The following MAD1L1 variants were observed in gnomAD, a reference collection of about 807,000 sequenced individuals.
MAD1L1 encodes mitotic spindle assembly checkpoint protein MAD1.
MAD1L1 carries 95 observed loss-of-function variants against 96.9 expected under a neutral mutation model. That is an observed-to-expected ratio of 0.98 (90% confidence interval 0.83 to 1.16). The LOEUF (loss-of-function observed/expected upper bound fraction) is 1.16, where lower values mean the gene tolerates loss of function less well. Ranked by LOEUF, MAD1L1 falls within the 50% of genes most tolerant of loss-of-function variation. The pLI is 0.00. For synonymous variants in MAD1L1, 473 were observed against 396.6 expected, an observed-to-expected ratio of 1.19 and a Z score of -2.29; for missense variants, 1,007 against 954.4, an observed-to-expected ratio of 1.06 and a Z score of -0.73.
chr7:2,147,765 C>T (rs1299392050), intron 11 of MAD1L1, among the ~76,000 whole-genome samples: 1 of 152,248 alleles, frequency 6.6e-6, no homozygotes, highest in African/African-American at 2.4e-5. Flanking sequence ...AAACCAATCC[C>T]CCCATGGGCT....
chr7:2,047,619 G>A lies in MAD1L1; in HGVS notation c.1218+21575C>T, dbSNP rs1033478202. On this transcript the variant is annotated intron_variant, in intron 12 of 18. Transcript: ENST00000265854. ...CCATGAGGGTCTCGTGGGAAAAGAAGCCAAAATGCATAAAAGAACCAGTGT... is the reference window on the plus strand; with the variant it reads ...CCATGAGGGTCTCGTGGGAAAAGAAACCAAAATGCATAAAAGAACCAGTGT... 9.2e-5 allele frequency among the ~76,000 whole-genome samples: 14 copies of A among 152,226 alleles called. No individual in the cohort carries two copies. The South Asian group carries it at 2.7e-3, about 29-fold the overall frequency.
chr7:2,231,237 G>A (rs748458318), intron 1 of MAD1L1, among the ~76,000 whole-genome samples: 26 of 152,154 alleles, frequency 1.7e-4, no homozygotes, highest in Non-Finnish European at 3.7e-4. Flanking sequence ...GGCAGAGGTT[G>A]CAGTGACCTG....
At chr7:1,922,877 T>C (rs942202033) in intron 17 of MAD1L1, among the ~76,000 whole-genome samples, 1 of 152,238 alleles carries the variant, frequency 6.6e-6, no homozygotes, top group African/African-American at 2.4e-5. Context: ...TTTGGCCATG[T>C]AATTTTTCCT....
intron 10 of MAD1L1, among the ~76,000 whole-genome samples, chr7:2,191,169 G>A (rs544322573): frequency 6.6e-6 from 1 of 152,298 alleles, no homozygotes; most frequent in African/African-American, 2.4e-5. Flanking sequence ...AGACACAAAT[G>A]ACTGCATGAC....
At chr7:2,208,695 A>C (rs535547874) in intron 10 of MAD1L1, among the ~76,000 whole-genome samples, 1 of 152,172 alleles carries the variant, frequency 6.6e-6, no homozygotes, top group Non-Finnish European at 1.5e-5. Flanking sequence ...TCCAAAGAGA[A>C]GCAAGCATCC....
chr7:1,825,526 G>C (rs1782343558), intron 18 of MAD1L1, among the ~76,000 whole-genome samples: 1 of 152,264 alleles, frequency 6.6e-6, no homozygotes, highest in African/African-American at 2.4e-5. Flanking sequence ...AGGTGTGAGA[G>C]ACACGGGCCC....
At chr7:1,969,289 C>A (rs1045756529) in intron 15 of MAD1L1, among the ~76,000 whole-genome samples, 1 of 152,102 alleles carries the variant, frequency 6.6e-6, no homozygotes, top group African/African-American at 2.4e-5. Context: ...GAGGCTGAGG[C>A]AGGATTCACT....
intron 12 of MAD1L1, among the ~76,000 whole-genome samples, chr7:2,022,638 G>A (rs1012194918): frequency 4.6e-5 from 7 of 151,772 alleles, no homozygotes; most frequent in Non-Finnish European, 7.4e-5. Flanking sequence ...AGCAGATAAA[G>A]AAAAGAAGAT....
intron 4 of MAD1L1, 34 bp from the exon 5 acceptor site, chr7:2,222,788 C>A (rs765964897): frequency 1.3e-6 from 2 of 1,535,044 alleles, no homozygotes; most frequent in African/African-American, 2.8e-5. Flanking sequence ...TGCCACGTGC[C>A]GCCCACGGGA....
rs1015387675 is a variant in MAD1L1 at position 2,069,135 on chromosome 7, G to A, written c.1218+59C>T. 3 of 1,508,572 alleles carry A rather than the reference G, an allele frequency of 2.0e-6. No homozygotes were observed. In the Admixed American group the frequency reaches 6.2e-5, roughly 31 times the overall value. 93.4% of individuals were successfully genotyped at this position (1,508,572 alleles called of 1,614,324 possible). A position where few individuals can be genotyped will look rare whatever the true frequency, so the allele number is the denominator to read the frequency against. On this transcript the variant is annotated intron_variant, in intron 12 of 18. Coordinates refer to ENST00000265854, the MANE Select transcript of MAD1L1 (RefSeq NM_001013836.2). Reference sequence around the variant, plus strand: ...CTCCACAGTGAGATCCAGCTAACCAGGTGTGCACTGACCCGCAGCTCCCTG... The same window carrying A: ...CTCCACAGTGAGATCCAGCTAACCAAGTGTGCACTGACCCGCAGCTCCCTG...
intron 18 of MAD1L1, among the ~76,000 whole-genome samples, chr7:1,825,597 G>A (rs1782346582): frequency 6.6e-6 from 1 of 152,230 alleles, no homozygotes. Flanking sequence ...TCCCAGGTGG[G>A]GCACAGCTCT....
At chr7:2,127,190 G>A (rs1788273185) in intron 11 of MAD1L1, among the ~76,000 whole-genome samples, 1 of 152,186 alleles carries the variant, frequency 6.6e-6, no homozygotes, top group Admixed American at 6.5e-5. Flanking sequence ...ATGAGCCCAC[G>A]GGCCTTTGCT....
intron 12 of MAD1L1, among the ~76,000 whole-genome samples, chr7:2,032,844 C>T (rs1225639231): frequency 6.6e-6 from 1 of 152,132 alleles, no homozygotes; most frequent in Non-Finnish European, 1.5e-5. Flanking sequence ...TAAGAACAGG[C>T]GAGGACAGGC....
intron 11 of MAD1L1, among the ~76,000 whole-genome samples, chr7:2,141,961 C>T (rs1789056673): frequency 1.3e-5 from 2 of 152,228 alleles, no homozygotes; most frequent in East Asian, 1.9e-4. Flanking sequence ...GCCGGGGCAG[C>T]CATCACCGGC....
chr7:2,038,564 G>A (rs1015003795), intron 12 of MAD1L1, among the ~76,000 whole-genome samples: 1 of 136,204 alleles, frequency 7.3e-6, no homozygotes, highest in Non-Finnish European at 1.5e-5. Flanking sequence ...CCAGGCTGGA[G>A]CACGGTGGCA....
intron 12 of MAD1L1, among the ~76,000 whole-genome samples, chr7:2,049,061 A>G (rs576924799): frequency 2.6e-5 from 4 of 152,388 alleles, no homozygotes; most frequent in South Asian, 2.1e-4. Flanking sequence ...CCTCACACAT[A>G]TATTTGAACA....
At chr7:2,141,984 C>T (rs149122436) in intron 11 of MAD1L1, among the ~76,000 whole-genome samples, 6 of 152,186 alleles carry the variant, frequency 3.9e-5, no homozygotes, top group African/African-American at 1.4e-4. Context: ...GCAGGTGGAC[C>T]GCACAGCCGT....
intron 14 of MAD1L1, 120 bp from the exon 15 acceptor site, chr7:1,980,661 C>T (rs143240861): frequency 1.0e-4 from 79 of 768,526 alleles, no homozygotes; most frequent in East Asian, 4.6e-4. Context: ...CTGGGAGCTG[C>T]GGGAGAGACC....
Position 2,215,972 on chromosome 7 carries a change from GAGC to G in MAD1L1, c.834_836del (p.Leu279del), listed in dbSNP as rs1793251068. 6.2e-7 allele frequency: 1 copy of G among 1,614,110 alleles called. No individual in the cohort carries two copies. Among genetic ancestry groups the G allele is most frequent in the Non-Finnish European group, 8.5e-7 (1 of 1,180,032 alleles). On this transcript the variant is annotated inframe_deletion, in exon 9 of 19. Coordinates refer to ENST00000265854, the MANE Select transcript of MAD1L1 (RefSeq NM_001013836.2). ...TCTGCAGCCCTTCCAGCTCTTCCTG[GAGC>G]AGCCCGTTGGTCTCTCTCATCTCCC...
Sources: allele counts gnomAD v4.1 joint callset (sites outside exome capture counted in the v4.1 genomes callset), GRCh38; gene constraint gnomAD v4.1.1; transcripts MANE v1.5; gene names NCBI Gene and HGNC (gene_info 2026-07-23, HGNC 2026-07-21).